GPHN: variants seen among roughly 807,000 people sequenced by gnomAD.
GPHN encodes gephyrin.
In GPHN, 17 loss-of-function variants were observed where a neutral mutation model predicts 95.5. The observed-to-expected ratio is 0.18, with a 90% CI of 0.12 to 0.27. The LOEUF (loss-of-function observed/expected upper bound fraction) is 0.27, where lower values mean the gene tolerates loss of function less well. GPHN is among the 10% of genes least tolerant of loss of function. The pLI, the probability that GPHN is intolerant of heterozygous loss-of-function variation, is 1.00. For missense variants in GPHN, 660 were observed against 978.1 expected, an observed-to-expected ratio of 0.67 and a Z score of 4.34; for synonymous variants, 320 against 322.5, an observed-to-expected ratio of 0.99 and a Z score of 0.08.
chr14:66,981,644 A>C (rs887170795), intron 9 of GPHN, among the ~76,000 whole-genome samples: 1 of 152,182 alleles, frequency 6.6e-6, no homozygotes, highest in Admixed American at 6.5e-5. Context: ...GGTTAAAAAT[A>C]TTAGTCTCAG....
At chr14:67,372,040 G>A in the GPHN span, among the ~76,000 whole-genome samples, 1 of 151,522 alleles carries the variant, frequency 6.6e-6, no homozygotes, top group Non-Finnish European at 1.5e-5. Context: ...CTAGGTGGGG[G>A]GATCACTTGA....
intron 4 of GPHN, among the ~76,000 whole-genome samples, chr14:66,843,063 C>T (rs1203490429): frequency 1.3e-5 from 2 of 151,542 alleles, no homozygotes; most frequent in Middle Eastern, 3.4e-3. Context: ...CTTGCTATTA[C>T]ACTACCCAAC....
At chr14:67,468,790 G>T in the GPHN span, among the ~76,000 whole-genome samples, 1 of 152,156 alleles carries the variant, frequency 6.6e-6, no homozygotes, top group Non-Finnish European at 1.5e-5. Context: ...AGCTACTTGG[G>T]AGGCTGAGGC....
the GPHN span, chr14:67,592,379 G>A: frequency 6.3e-6 from 3 of 476,154 alleles, no homozygotes; most frequent in East Asian, 4.1e-5. Flanking sequence ...GGTGGAGGCT[G>A]CAATGAGTGG....
At chr14:66,815,380 A>G (rs1485652669) in intron 3 of GPHN, among the ~76,000 whole-genome samples, 2 of 152,196 alleles carry the variant, frequency 1.3e-5, no homozygotes, top group Admixed American at 6.5e-5. Context: ...TCTCCCAAGT[A>G]AAAATGAAAG....
intron 2 of GPHN, among the ~76,000 whole-genome samples, chr14:66,730,489 T>C (rs74478005): frequency 6.6e-6 from 1 of 152,006 alleles, no homozygotes; most frequent in Non-Finnish European, 1.5e-5. Flanking sequence ...AGTTCTCATA[T>C]TTTTTTTACT....
chr14:67,622,859 C>T, the GPHN span, among the ~76,000 whole-genome samples: 1 of 152,218 alleles, frequency 6.6e-6, no homozygotes, highest in Non-Finnish European at 1.5e-5. Flanking sequence ...CTATAACAAT[C>T]AGCTGAGGCT....
At chr14:66,788,164 C>A (rs2059847020) in intron 3 of GPHN, among the ~76,000 whole-genome samples, 1 of 152,096 alleles carries the variant, frequency 6.6e-6, no homozygotes, top group Admixed American at 6.6e-5. Flanking sequence ...CAAAAACTAC[C>A]CAGACATGGT....
intron 6 of GPHN, among the ~76,000 whole-genome samples, chr14:66,919,530 C>T (rs148893000): frequency 0.012 from 1,833 of 152,272 alleles, 19 homozygotes; most frequent in Non-Finnish European, 0.018. Context: ...GTACAGGCTA[C>T]TCTCCCTCCC....
the GPHN span, among the ~76,000 whole-genome samples, chr14:67,375,529 C>CAAA: frequency 1.3e-3 from 174 of 131,302 alleles, no homozygotes; most frequent in African/African-American, 4.2e-3. Flanking sequence ...GATAAAATAT[C>CAAA]AAAAAAAAAA....
chr14:66,650,292 A>G (rs2064979938), intron 1 of GPHN, among the ~76,000 whole-genome samples: 1 of 152,166 alleles, frequency 6.6e-6, no homozygotes, highest in Admixed American at 6.5e-5. Context: ...AAGCCTTTGG[A>G]GTTTTTCAAA....
the GPHN span, chr14:67,323,905 T>G: frequency 1.5e-6 from 1 of 678,678 alleles, no homozygotes; most frequent in Non-Finnish European, 2.5e-6. Context: ...CTACATTAGC[T>G]TGAGCTTTCA....
At chr14:66,926,749 T>G (rs1240919735) in intron 8 of GPHN, among the ~76,000 whole-genome samples, 1 of 152,200 alleles carries the variant, frequency 6.6e-6, no homozygotes, top group Non-Finnish European at 1.5e-5. Flanking sequence ...CTTTTGTGGT[T>G]CCATATAAAT....
At chr14:66,590,326 A>G (rs2061586570) in intron 1 of GPHN, among the ~76,000 whole-genome samples, 1 of 152,204 alleles carries the variant, frequency 6.6e-6, no homozygotes, top group Non-Finnish European at 1.5e-5. Context: ...CTAAGATGAG[A>G]GCTAGAGACA....
the GPHN span, among the ~76,000 whole-genome samples, chr14:67,252,404 C>T: frequency 6.6e-6 from 1 of 152,122 alleles, no homozygotes. Context: ...GTCCTCCAGC[C>T]TTGGCCTCCC....
chr14:67,433,776 G>A, the GPHN span, among the ~76,000 whole-genome samples: 1 of 152,160 alleles, frequency 6.6e-6, no homozygotes, highest in Non-Finnish European at 1.5e-5. Context: ...GCTATTTAAA[G>A]ACTTGATATA....
the GPHN span, among the ~76,000 whole-genome samples, chr14:67,477,188 G>A: frequency 0.012 from 1,809 of 150,726 alleles, 36 homozygotes; most frequent in African/African-American, 0.039. Flanking sequence ...AAAAATGTTC[G>A]ATATCTCCTT....
At chr14:66,553,007 T>TTTTTTTTTTTTTTTTTCTTTG (rs1566591596) in intron 1 of GPHN, among the ~76,000 whole-genome samples, 1 of 151,986 alleles carries the variant, frequency 6.6e-6, no homozygotes, top group African/African-American at 2.4e-5. Flanking sequence ...TTTCTTTTTT[T>TTTTTTTTTTTTTTTTTCTTTG]AGACAAGAGT....
chr14:67,345,877 A>G, the GPHN span: 2 of 1,579,746 alleles, frequency 1.3e-6, no homozygotes, highest in Non-Finnish European at 1.7e-6. Context: ...ATAACCTGAA[A>G]GGACCAGTCA....
Sources: allele counts gnomAD v4.1 joint callset (sites outside exome capture counted in the v4.1 genomes callset), GRCh38; gene constraint gnomAD v4.1.1; transcripts MANE v1.5; gene names NCBI Gene and HGNC (gene_info 2026-07-23, HGNC 2026-07-21).